Variants in PTPRG observed in about 807,000 individuals in gnomAD.
The protein encoded by PTPRG is protein tyrosine phosphatase receptor type G.
A neutral mutation model predicts 165.3 loss-of-function variants in PTPRG; 102 were observed. The ratio of observed to expected loss-of-function variants is 0.62; its 90% CI spans 0.53 to 0.73. PTPRG has a LOEUF of 0.73. Among genes scored for constraint, PTPRG ranks in the 30% least tolerant of loss-of-function variants. The pLI is 0.00. For synonymous variants in PTPRG, 675 were observed against 669.5 expected (o/e 1.01, Z -0.13); for missense variants, 1,866 against 1,861.4 (o/e 1.00, Z -0.05).
intron 2 of PTPRG, among the ~76,000 whole-genome samples, chr3:61,762,305 C>G (rs958886752): frequency 6.6e-6 from 1 of 152,152 alleles, no homozygotes; most frequent in African/African-American, 2.4e-5. Context: ...GAGCTGCATA[C>G]CTGCTGTGCC....
chr3:62,165,305 TAAG>T (rs1413757787), intron 7 of PTPRG, among the ~76,000 whole-genome samples: 1 of 152,234 alleles, frequency 6.6e-6, no homozygotes, highest in Non-Finnish European at 1.5e-5. Context: ...CATATGATTT[TAAG>T]AAGTTATTTT....
chr3:62,266,116 T>C (rs1406176707), intron 17 of PTPRG, among the ~76,000 whole-genome samples: 1 of 152,184 alleles, frequency 6.6e-6, no homozygotes, highest in African/African-American at 2.4e-5. Context: ...CACAACTTCA[T>C]TTGTGATTTT....
At chr3:61,883,048 A>T (rs1027604507) in intron 2 of PTPRG, among the ~76,000 whole-genome samples, 1 of 152,202 alleles carries the variant, frequency 6.6e-6, no homozygotes, top group Non-Finnish European at 1.5e-5. Flanking sequence ...ATGGCTGGTG[A>T]CATGCACAGA....
At chr3:62,020,555 T>C (rs535551091) in intron 4 of PTPRG, among the ~76,000 whole-genome samples, 1 of 152,326 alleles carries the variant, frequency 6.6e-6, no homozygotes, top group Admixed American at 6.5e-5. Flanking sequence ...TCTTTTGAAA[T>C]GCCAATATGA....
intron 1 of PTPRG, among the ~76,000 whole-genome samples, chr3:61,701,515 A>T (rs577870042): frequency 6.6e-6 from 1 of 152,224 alleles, no homozygotes; most frequent in Non-Finnish European, 1.5e-5. Flanking sequence ...AAAAACCCAT[A>T]TTTAGTGACT....
chr3:61,753,675 C>T (rs1480501511), intron 2 of PTPRG: 3 of 426,856 alleles, frequency 7.0e-6, no homozygotes, highest in African/African-American at 6.3e-5. Flanking sequence ...ACCCCCCAAC[C>T]CCCTGCTTCC....
At chr3:62,172,154 T>C (rs2106747582) in intron 8 of PTPRG, among the ~76,000 whole-genome samples, 1 of 152,364 alleles carries the variant, frequency 6.6e-6, no homozygotes, top group African/African-American at 2.4e-5. Context: ...TATCAGTTAA[T>C]GGACATTGAG....
intron 2 of PTPRG, among the ~76,000 whole-genome samples, chr3:61,826,121 T>C (rs540013244): frequency 6.6e-6 from 1 of 152,306 alleles, no homozygotes; most frequent in East Asian, 1.9e-4. Flanking sequence ...AAAATACATA[T>C]CTTAAGTTAA....
chr3:61,660,710 A>C (rs906632361), intron 1 of PTPRG, among the ~76,000 whole-genome samples: 1 of 152,136 alleles, frequency 6.6e-6, no homozygotes, highest in Admixed American at 6.6e-5. Context: ...ATTGGATATT[A>C]AAAAAACCTG....
Position 61,712,830 on chromosome 3 carries a change from C to A in PTPRG, c.86-36048C>A, listed in dbSNP as rs879676184. Among the ~76,000 whole-genome samples, 80 of 152,144 alleles carry A rather than the reference C, an allele frequency of 5.3e-4. 1 individual carries two copies. The highest frequency in any genetic ancestry group is 7.8e-4 in the Non-Finnish European group (53 of 68,026). ...TTTATCTAGAGCAAAACTACAAAAACATGCATGAAAGGTCATATATAGCAG... is the reference window on the plus strand; with the variant it reads ...TTTATCTAGAGCAAAACTACAAAAAAATGCATGAAAGGTCATATATAGCAG... On this transcript the variant is annotated intron_variant, in intron 1 of 29. Transcript: ENST00000474889.
intron 2 of PTPRG, among the ~76,000 whole-genome samples, chr3:61,905,084 C>T (rs562246235): frequency 1.3e-5 from 2 of 151,998 alleles, no homozygotes; most frequent in East Asian, 1.9e-4. Flanking sequence ...TCTCCCTGCT[C>T]GAAAGATTGC....
intron 1 of PTPRG, among the ~76,000 whole-genome samples, chr3:61,663,772 G>A (rs900017444): frequency 2.0e-5 from 3 of 152,130 alleles, no homozygotes; most frequent in African/African-American, 7.2e-5. Context: ...AGCCTCATAA[G>A]GAGCGGGCAA....
At chr3:61,932,226 G>C (rs1446494722) in intron 2 of PTPRG, among the ~76,000 whole-genome samples, 3 of 152,190 alleles carry the variant, frequency 2.0e-5, no homozygotes, top group African/African-American at 7.2e-5. Context: ...TTTGTGACCT[G>C]AGAGCTGCAT....
At chr3:61,738,312 A>G (rs201063899) in intron 1 of PTPRG, among the ~76,000 whole-genome samples, 1,657 of 59,352 alleles carry the variant, frequency 0.028, 191 homozygotes, top group East Asian at 0.091. Flanking sequence ...ATATATATAT[A>G]CATATATATA....
intron 1 of PTPRG, among the ~76,000 whole-genome samples, chr3:61,567,734 G>C (rs1194709793): frequency 6.7e-6 from 1 of 149,424 alleles, no homozygotes; most frequent in East Asian, 2.0e-4. Flanking sequence ...TGTCATCTCA[G>C]CACTTTGGGA....
chr3:61,917,282 C>T (rs751370394), intron 2 of PTPRG, among the ~76,000 whole-genome samples: 6 of 152,162 alleles, frequency 3.9e-5, no homozygotes, highest in African/African-American at 1.2e-4. Context: ...CTGAATAATT[C>T]GCAGCATTTA....
intron 2 of PTPRG, among the ~76,000 whole-genome samples, chr3:61,830,566 GTTTTTTTTTTTT>G (rs57644199): frequency 2.3e-5 from 2 of 86,500 alleles, no homozygotes; most frequent in East Asian, 3.2e-4. Context: ...TTTTGTTTTT[GTTTTTTTTTTTT>G]TTTTTTTTTT....
intron 2 of PTPRG, among the ~76,000 whole-genome samples, chr3:61,874,232 A>T (rs2037661855): frequency 6.6e-6 from 1 of 152,006 alleles, no homozygotes; most frequent in African/African-American, 2.4e-5. Flanking sequence ...TCTCTTTTGT[A>T]CCTTGAGACT....
chr3:61,925,773 G>C (rs546299372), intron 2 of PTPRG: 1 of 393,982 alleles, frequency 2.5e-6, no homozygotes, highest in South Asian at 1.9e-5. Context: ...ATTGGTCAAA[G>C]TTGCAGCACC....
Sources: allele counts gnomAD v4.1 joint callset (sites outside exome capture counted in the v4.1 genomes callset), GRCh38; gene constraint gnomAD v4.1.1; transcripts MANE v1.5; gene names NCBI Gene and HGNC (gene_info 2026-07-23, HGNC 2026-07-21).